Variants in PLSCR2 observed in about 807,000 individuals in gnomAD.
The protein encoded by PLSCR2 is PL scramblase 2.
Under a neutral mutation model 25.3 loss-of-function variants are expected in PLSCR2, and 18 were observed. The ratio of observed to expected loss-of-function variants is 0.71; its 90% CI spans 0.49 to 1.06. The LOEUF (loss-of-function observed/expected upper bound fraction) is 1.06, where lower values mean the gene tolerates loss of function less well. PLSCR2 is among the 50% of genes least tolerant of loss of function. The probability of loss-of-function intolerance (pLI) is 0.00; values close to 1 mark genes in which losing one functional copy is unlikely to be tolerated. For missense variants in PLSCR2, 243 were observed against 269.5 expected, an observed-to-expected ratio of 0.90 and a Z score of 0.69; for synonymous variants, 88 against 87.3, an observed-to-expected ratio of 1.01 and a Z score of -0.04.
chr3:146,399,927 A>C (rs192658875), intron 2 of PLSCR2, among the ~76,000 whole-genome samples: 107 of 151,782 alleles, frequency 7.0e-4, no homozygotes, highest in African/African-American at 2.3e-3. Context: ...TGGTTTGTAA[A>C]TCTCCCCAAA....
chr3:146,414,329 A>C (rs2038946580), intron 2 of PLSCR2, among the ~76,000 whole-genome samples: 1 of 152,234 alleles, frequency 6.6e-6, no homozygotes, highest in African/African-American at 2.4e-5. Flanking sequence ...ACTTCAGAGG[A>C]AGCTCTTCAG....
In PLSCR2 at chr3:146,458,229, A is replaced by G. The variant is rs540452324; in HGVS notation, c.100+182T>C. On this transcript the variant is annotated intron_variant, in intron 3 of 6. Transcript: ENST00000610787. ...TAGGAAGGGCCAACTGTATTTTACC[A>G]TTTCACTTCTGATGTTCAGAAATAG... Among the ~76,000 whole-genome samples the G allele has an allele frequency of 2.6e-5, 4 of 152,340 alleles. No homozygotes were observed. The South Asian group carries it at 8.3e-4, about 32-fold the overall frequency.
At chr3:146,474,523 C>T (rs759920684) in intron 1 of PLSCR2, among the ~76,000 whole-genome samples, 1 of 152,038 alleles carries the variant, frequency 6.6e-6, no homozygotes, top group Non-Finnish European at 1.5e-5. Context: ...GATGGGCTTC[C>T]CGTTGCAGGA....
At chr3:146,464,204 C>G (rs1194850704), upstream of PLSCR2, among the ~76,000 whole-genome samples, 4 of 152,130 alleles carry the variant, frequency 2.6e-5, no homozygotes, top group African/African-American at 9.7e-5. Flanking sequence ...CTAGGGTAGA[C>G]TAACTAGGGT....
At chr3:146,492,112 C>A (rs1468203137) in intron 1 of PLSCR2, among the ~76,000 whole-genome samples, 1 of 152,074 alleles carries the variant, frequency 6.6e-6, no homozygotes, top group Admixed American at 6.6e-5. Flanking sequence ...AGGCTCAGAT[C>A]AGCAATTCTC....
upstream of PLSCR2, chr3:146,461,784 G>A: frequency 1.4e-6 from 1 of 721,174 alleles, no homozygotes; most frequent in Non-Finnish European, 2.5e-6. Context: ...CATCTAGGGA[G>A]ACCCTTAGTA....
intron 1 of PLSCR2, among the ~76,000 whole-genome samples, chr3:146,493,827 GA>G (rs1464293569): frequency 3.5e-5 from 4 of 113,514 alleles, no homozygotes; most frequent in Non-Finnish European, 6.8e-5. Flanking sequence ...AAAACTTTGA[GA>G]ACATTGTGTC....
intron 1 of PLSCR2, among the ~76,000 whole-genome samples, chr3:146,478,773 A>T (rs1442099690): frequency 6.6e-6 from 1 of 152,186 alleles, no homozygotes; most frequent in African/African-American, 2.4e-5. Context: ...GAGAGGAGCA[A>T]CCCCAAGACA....
chr3:146,493,737 A>G (rs567704458), intron 1 of PLSCR2, among the ~76,000 whole-genome samples: 193 of 149,482 alleles, frequency 1.3e-3, no homozygotes, highest in African/African-American at 3.5e-3. Context: ...CGGGAGTCCA[A>G]CAAATTTCTT....
At chr3:146,444,306 T>C (rs1322422148) in intron 6 of PLSCR2, among the ~76,000 whole-genome samples, 1 of 152,040 alleles carries the variant, frequency 6.6e-6, no homozygotes, top group Non-Finnish European at 1.5e-5. Flanking sequence ...TTCAATTTGA[T>C]GTTTTTTTGT....
chr3:146,477,849 G>C (rs916316417), intron 1 of PLSCR2, among the ~76,000 whole-genome samples: 2 of 152,070 alleles, frequency 1.3e-5, no homozygotes, highest in African/African-American at 4.8e-5. Flanking sequence ...ACACACACCT[G>C]ATACAGGCAG....
At chr3:146,416,560 A>G (rs1405564433) in intron 2 of PLSCR2, 1 of 152,116 alleles carries the variant, frequency 6.6e-6, no homozygotes, top group African/African-American at 2.4e-5. Context: ...GGTGTAGACA[A>G]CCAGGGTCGT....
downstream of PLSCR2, among the ~76,000 whole-genome samples, chr3:146,429,136 G>A (rs898300408): frequency 2.0e-5 from 3 of 152,182 alleles, no homozygotes; most frequent in Non-Finnish European, 4.4e-5. Flanking sequence ...TCATGGTTCT[G>A]CAGGCTGCAC....
chr3:146,415,781 T>C (rs1032082225), intron 2 of PLSCR2, among the ~76,000 whole-genome samples: 1 of 152,128 alleles, frequency 6.6e-6, no homozygotes, highest in African/African-American at 2.4e-5. Flanking sequence ...GTATTCAATG[T>C]AGTACAGAAT....
intron 2 of PLSCR2, among the ~76,000 whole-genome samples, chr3:146,397,221 A>C (rs1260949986): frequency 6.6e-6 from 1 of 152,138 alleles, no homozygotes; most frequent in Non-Finnish European, 1.5e-5. Context: ...CAGAAACAGG[A>C]TTAGGGTATT....
chr3:146,398,058 A>C (rs2038332351), intron 2 of PLSCR2, among the ~76,000 whole-genome samples: 1 of 152,000 alleles, frequency 6.6e-6, no homozygotes, highest in Non-Finnish European at 1.5e-5. Context: ...GTTTTAGATG[A>C]AAGTTAGGGA....
intron 1 of PLSCR2, chr3:146,469,045 T>G (rs961752999): frequency 5.6e-5 from 44 of 787,466 alleles, no homozygotes; most frequent in Non-Finnish European, 6.5e-5. Flanking sequence ...TTTCCTAAGC[T>G]GGTATTGTAG....
chr3:146,471,249 A>C (rs1403803849), intron 1 of PLSCR2, among the ~76,000 whole-genome samples: 2 of 152,092 alleles, frequency 1.3e-5, no homozygotes, highest in African/African-American at 2.4e-5. Context: ...GTATACAATA[A>C]AAAAAACATT....
intron 2 of PLSCR2, among the ~76,000 whole-genome samples, chr3:146,397,024 T>C (rs563487812): frequency 1.3e-5 from 2 of 152,304 alleles, no homozygotes; most frequent in East Asian, 3.9e-4. Flanking sequence ...GGGCCATCTC[T>C]ATATGAAGCT....
Sources: gnomAD v4.1 joint callset for allele counts (sites outside exome capture counted in the v4.1 genomes callset) on GRCh38, gnomAD v4.1.1 for gene constraint, MANE v1.5 for transcripts, NCBI Gene and HGNC (gene_info 2026-07-23, HGNC 2026-07-21) for gene names.